ERC2: variants seen among roughly 807,000 people sequenced by gnomAD.
The protein encoded by ERC2 is ELKS/RAB6-interacting/CAST family member 2.
A neutral mutation model predicts 114.8 loss-of-function variants in ERC2; 42 were observed. That is an observed-to-expected ratio of 0.37 (90% CI 0.29 to 0.47). The LOEUF is 0.47. Ranked by LOEUF, ERC2 falls within the 20% of genes least tolerant of loss-of-function variation. The pLI, the probability that ERC2 is intolerant of heterozygous loss-of-function variation, is 0.99. For missense variants in ERC2, 939 were observed against 1,150.7 expected, an observed-to-expected ratio of 0.82 and a Z score of 2.66; for synonymous variants, 454 against 425.5, an observed-to-expected ratio of 1.07 and a Z score of -0.82.
intron 14 of ERC2, among the ~76,000 whole-genome samples, chr3:55,739,991 C>G (rs1403542592): frequency 1.3e-5 from 2 of 152,092 alleles, no homozygotes; most frequent in Admixed American, 1.3e-4. Flanking sequence ...CCAGGCTTCC[C>G]AACACCATTT....
chr3:55,856,249 A>G (rs2061778626), intron 14 of ERC2, among the ~76,000 whole-genome samples: 1 of 152,196 alleles, frequency 6.6e-6, no homozygotes. Context: ...CTCCAGTGAT[A>G]CTAAGGAACA....
chr3:55,758,799 GT>G (rs1026185521), intron 14 of ERC2, among the ~76,000 whole-genome samples: 1 of 152,166 alleles, frequency 6.6e-6, no homozygotes, highest in Non-Finnish European at 1.5e-5. Context: ...TTCCAAGAAG[GT>G]TATGGTGGGT....
intron 2 of ERC2, among the ~76,000 whole-genome samples, chr3:56,420,911 A>G (rs2061365366): frequency 1.3e-5 from 2 of 151,876 alleles, no homozygotes; most frequent in South Asian, 4.2e-4. Flanking sequence ...AAAAAAAAAG[A>G]AAGAAAGAAA....
chr3:56,378,097 T>C (rs1336454363), intron 2 of ERC2, among the ~76,000 whole-genome samples: 1 of 151,886 alleles, frequency 6.6e-6, no homozygotes, highest in Non-Finnish European at 1.5e-5. Context: ...CTATAAATCA[T>C]GCTGCTATAA....
chr3:56,182,959 CA>C (rs1001261480), intron 3 of ERC2, among the ~76,000 whole-genome samples: 8 of 148,874 alleles, frequency 5.4e-5, no homozygotes, highest in African/African-American at 1.2e-4. Flanking sequence ...AGAAGTGGGG[CA>C]AAAAAAAACC....
At chr3:55,565,529 T>C (rs2056311068) in intron 17 of ERC2, among the ~76,000 whole-genome samples, 1 of 151,858 alleles carries the variant, frequency 6.6e-6, no homozygotes, top group Admixed American at 6.6e-5. Context: ...CCCTCTAATA[T>C]ATCAGCATGG....
rs559081726 is a variant in ERC2, at chr3:55,923,176, T to C, written c.2403+27249A>G. 2.8e-4 allele frequency among the ~76,000 whole-genome samples: 42 copies of C among 152,294 alleles called. 1 individual carries two copies. The highest frequency in any genetic ancestry group is 3.4e-3 in the Middle Eastern group (1 of 294). The stretch of plus-strand genomic sequence containing the variant: ...GAATAAACAAAATGTGATATATACA[T>C]GCAATGGAAAATATTCCATTATTCA... On this transcript the variant is annotated intron_variant, in intron 13 of 17. Transcript: ENST00000288221.
At chr3:55,749,865 T>G (rs1331353535) in intron 14 of ERC2, among the ~76,000 whole-genome samples, 6 of 152,172 alleles carry the variant, frequency 3.9e-5, no homozygotes, top group South Asian at 2.1e-4. Flanking sequence ...TAACACTCAC[T>G]GCGAAGGTCT....
chr3:55,742,771 G>A (rs542017982), intron 14 of ERC2, among the ~76,000 whole-genome samples: 101 of 152,222 alleles, frequency 6.6e-4, no homozygotes, highest in Non-Finnish European at 1.2e-3. Context: ...TGGGGTGAGG[G>A]TTGGGTGGAG....
At chr3:55,691,561 A>C (rs2062648924) in intron 16 of ERC2, among the ~76,000 whole-genome samples, 1 of 91,438 alleles carries the variant, frequency 1.1e-5, no homozygotes, top group African/African-American at 4.3e-5. Context: ...AAAAAAAAAA[A>C]AAAAAAAAAA....
At chr3:55,885,600 CTTAG>C (rs1456127112) in intron 14 of ERC2, among the ~76,000 whole-genome samples, 5 of 152,186 alleles carry the variant, frequency 3.3e-5, no homozygotes, top group African/African-American at 9.7e-5. Context: ...CAAAAGAGGT[CTTAG>C]TTAGGTGCTA....
At chr3:56,418,005 G>A (rs1488942619) in intron 2 of ERC2, among the ~76,000 whole-genome samples, 2 of 152,110 alleles carry the variant, frequency 1.3e-5, no homozygotes, top group Non-Finnish European at 2.9e-5. Flanking sequence ...ATTTGGAAAG[G>A]GGCCGGGGCA....
intron 2 of ERC2, among the ~76,000 whole-genome samples, chr3:56,406,351 T>A (rs1351016616): frequency 1.3e-5 from 2 of 152,152 alleles, no homozygotes; most frequent in Non-Finnish European, 2.9e-5. Context: ...ACACTATACC[T>A]CCTTCTCCAG....
chr3:56,285,667 T>C (rs1281422903), intron 3 of ERC2, among the ~76,000 whole-genome samples: 3 of 152,188 alleles, frequency 2.0e-5, no homozygotes, highest in Non-Finnish European at 4.4e-5. Context: ...CTGGCTTAGC[T>C]GAGTAAGACC....
At chr3:55,693,484 C>T (rs951502929) in intron 16 of ERC2, among the ~76,000 whole-genome samples, 7 of 152,104 alleles carry the variant, frequency 4.6e-5, no homozygotes, top group African/African-American at 1.4e-4. Flanking sequence ...GTTCCCCTCC[C>T]TCCCCGGGCC....
At chr3:55,606,941 A>C (rs1297698187) in intron 17 of ERC2, 1 of 152,458 alleles carries the variant, frequency 6.6e-6, no homozygotes, top group Non-Finnish European at 1.5e-5. Context: ...GGCTGTGCCT[A>C]CGTGCCTCCG....
At chr3:55,796,238 C>T (rs1216341038) in intron 14 of ERC2, among the ~76,000 whole-genome samples, 1 of 147,860 alleles carries the variant, frequency 6.8e-6, no homozygotes, top group Admixed American at 6.9e-5. Flanking sequence ...CAGGCAAGGC[C>T]TGGCTTTGTT....
At chr3:56,085,710 C>A (rs1474352884) in intron 6 of ERC2, among the ~76,000 whole-genome samples, 1 of 152,132 alleles carries the variant, frequency 6.6e-6, no homozygotes, top group Non-Finnish European at 1.5e-5. Context: ...TGAGTTTATG[C>A]ACAAATATAG....
At position 55,955,248 on chromosome 3, in the gene ERC2, TTGTGTGTGTG is replaced by T. The variant is rs60633794; in HGVS notation, c.2268-4698_2268-4689del. Reference sequence around the variant, plus strand: ...CAATTTATACTGTATGGTGGTGTGTTTGTGTGTGTGTGTGTGTGTGTGTGTGTGTGTGTGT... The same window carrying T: ...CAATTTATACTGTATGGTGGTGTGTTTGTGTGTGTGTGTGTGTGTGTGTGT... On this transcript the variant is annotated intron_variant, in intron 12 of 17. Transcript: ENST00000288221. 9.8e-3 allele frequency: 3,525 copies of T among 359,944 alleles called. 26 individuals are homozygous for T. Among genetic ancestry groups the T allele is most frequent in the African/African-American group, 0.028 (1,290 of 46,298 alleles). The allele number at this position is 359,944 out of a possible 1,614,324, so 22.3% of individuals were successfully genotyped here.
Sources: gnomAD v4.1 joint callset for allele counts (sites outside exome capture counted in the v4.1 genomes callset) on GRCh38, gnomAD v4.1.1 for gene constraint, MANE v1.5 for transcripts, NCBI Gene and HGNC (gene_info 2026-07-23, HGNC 2026-07-21) for gene names.